PTPRD: variants seen among roughly 807,000 people sequenced by gnomAD.
PTPRD encodes protein tyrosine phosphatase receptor type D.
PTPRD carries 34 observed loss-of-function variants against 214.5 expected under a neutral mutation model. That is an observed-to-expected ratio of 0.16 (90% CI 0.12 to 0.21). The LOEUF (loss-of-function observed/expected upper bound fraction) is 0.21, where lower values mean the gene tolerates loss of function less well. Among genes scored for constraint, PTPRD ranks in the 10% least tolerant of loss-of-function variants. The pLI is 1.00. For missense variants in PTPRD, 2,545 were observed against 2,398.7 expected, an observed-to-expected ratio of 1.06 and a Z score of -1.27; for synonymous variants, 1,128 against 845.7, an observed-to-expected ratio of 1.33 and a Z score of -5.79.
chr9:8,361,631 A>C (rs1468869872), intron 39 of PTPRD, among the ~76,000 whole-genome samples: 1 of 152,206 alleles, frequency 6.6e-6, no homozygotes, highest in African/African-American at 2.4e-5. Context: ...AAAATCTCAG[A>C]TGTTGAATGG....
chr9:10,087,943 G>A (rs2098376000), intron 3 of PTPRD, among the ~76,000 whole-genome samples: 1 of 151,604 alleles, frequency 6.6e-6, no homozygotes, highest in African/African-American at 2.4e-5. Flanking sequence ...TCTAGTTTTT[G>A]GCAAAGCATA....
intron 10 of PTPRD, among the ~76,000 whole-genome samples, chr9:9,089,162 T>A (rs1311940119): frequency 6.6e-6 from 1 of 152,184 alleles, no homozygotes; most frequent in Non-Finnish European, 1.5e-5. Flanking sequence ...ATGTAAGATA[T>A]TCTTGTGTTG....
intron 5 of PTPRD, among the ~76,000 whole-genome samples, chr9:9,795,945 T>A (rs2098999616): frequency 6.6e-6 from 1 of 152,264 alleles, no homozygotes; most frequent in East Asian, 1.9e-4. Context: ...GGATTGTTTC[T>A]ATGTGAAGAA....
At chr9:9,381,630 G>A (rs1375260765) in intron 9 of PTPRD, among the ~76,000 whole-genome samples, 1 of 151,906 alleles carries the variant, frequency 6.6e-6, no homozygotes, top group African/African-American at 2.4e-5. Context: ...TGAGATTACA[G>A]GTGTGGGCCA....
At chr9:8,511,114 G>C (rs1188592486) in intron 21 of PTPRD, among the ~76,000 whole-genome samples, 1 of 151,898 alleles carries the variant, frequency 6.6e-6, no homozygotes, top group Non-Finnish European at 1.5e-5. Flanking sequence ...TATCACCCAG[G>C]CTGGAGTGCA....
In PTPRD at chr9:8,339,562, C is replaced by G. The variant is rs1398634242; in HGVS notation, c.5254-515G>C. 6.6e-5 allele frequency among the ~76,000 whole-genome samples: 10 copies of G among 152,232 alleles called. No homozygotes were observed. The East Asian group carries it at 1.7e-3, about 27-fold the overall frequency. On this transcript the variant is annotated intron_variant, in intron 42 of 45. Coordinates refer to ENST00000381196, the MANE Select transcript of PTPRD (RefSeq NM_002839.4). ...TCCATTTTAATGACTTGGCTAAACC[C>G]TGCAGAGTCATTGGCCAAATCAGAG...
At chr9:10,601,029 A>G (rs2077834098) in intron 2 of PTPRD, among the ~76,000 whole-genome samples, 1 of 151,860 alleles carries the variant, frequency 6.6e-6, no homozygotes, top group Admixed American at 6.6e-5. Flanking sequence ...AGGGGAAAAT[A>G]GCAAGAAATA....
At chr9:8,851,204 A>AG (rs1276158788) in intron 11 of PTPRD, among the ~76,000 whole-genome samples, 1 of 151,814 alleles carries the variant, frequency 6.6e-6, no homozygotes, top group Non-Finnish European at 1.5e-5. Flanking sequence ...CATTAAAGAA[A>AG]AAAAAAAAAA....
intron 3 of PTPRD, among the ~76,000 whole-genome samples, chr9:10,100,220 T>C (rs1368835929): frequency 6.6e-6 from 1 of 151,716 alleles, no homozygotes; most frequent in African/African-American, 2.4e-5. Context: ...AGCAACAAAC[T>C]GAGAATGTTT....
chr9:8,350,184 A>G (rs768713929), intron 39 of PTPRD, among the ~76,000 whole-genome samples: 3 of 152,186 alleles, frequency 2.0e-5, no homozygotes, highest in Non-Finnish European at 4.4e-5. Context: ...ATTAAGAGGC[A>G]TACAGGGACT....
At chr9:9,334,550 G>A (rs573982780) in intron 9 of PTPRD, among the ~76,000 whole-genome samples, 2 of 152,020 alleles carry the variant, frequency 1.3e-5, no homozygotes, top group East Asian at 1.9e-4. Context: ...AATCAGTTAC[G>A]AGAAATAAAT....
intron 3 of PTPRD, among the ~76,000 whole-genome samples, chr9:10,065,553 A>C (rs898541968): frequency 6.6e-6 from 1 of 151,950 alleles, no homozygotes; most frequent in Non-Finnish European, 1.5e-5. Context: ...AATAAAATCA[A>C]ATTTTTGGTC....
chr9:8,984,873 A>T (rs148229459), intron 11 of PTPRD, among the ~76,000 whole-genome samples: 1 of 152,164 alleles, frequency 6.6e-6, no homozygotes, highest in East Asian at 1.9e-4. Context: ...TTTAACATGG[A>T]TTCCTTTTTC....
At chr9:8,505,362 C>T (rs1453531173) in intron 22 of PTPRD, among the ~76,000 whole-genome samples, 1 of 152,078 alleles carries the variant, frequency 6.6e-6, no homozygotes, top group Non-Finnish European at 1.5e-5. Flanking sequence ...GTGGCTCACG[C>T]CTGTAATCCC....
chr9:8,902,905 A>T (rs1451141257), intron 11 of PTPRD, among the ~76,000 whole-genome samples: 1 of 152,200 alleles, frequency 6.6e-6, no homozygotes, highest in Non-Finnish European at 1.5e-5. Flanking sequence ...GAAGGTTAAT[A>T]GTAGTAATGA....
At chr9:8,329,720 G>GGGAGGAGTAATCCAGAGAAGCAGT (rs1837807885) in intron 44 of PTPRD, among the ~76,000 whole-genome samples, 1 of 152,256 alleles carries the variant, frequency 6.6e-6, no homozygotes, top group African/African-American at 2.4e-5. Context: ...GCCCTGCCCA[G>GGGAGGAGTAATCCAGAGAAGCAGT]GGAGGAGTAA....
At chr9:9,656,905 C>T (rs1449163367) in intron 7 of PTPRD, among the ~76,000 whole-genome samples, 3 of 151,738 alleles carry the variant, frequency 2.0e-5, no homozygotes, top group Non-Finnish European at 2.9e-5. Context: ...ACTGTAATTT[C>T]CTCTTGATTT....
chr9:8,628,438 A>T (rs914133377), intron 14 of PTPRD, among the ~76,000 whole-genome samples: 1 of 151,768 alleles, frequency 6.6e-6, no homozygotes, highest in African/African-American at 2.4e-5. Flanking sequence ...GTCTCATCCA[A>T]CTGCTCACTG....
rs12351487 is a variant in PTPRD, at chr9:9,030,392, T to A, written c.-142-11657A>T. Among the ~76,000 whole-genome samples, 1,379 of 151,102 alleles carry A rather than the reference T, an allele frequency of 9.1e-3. 25 individuals carry two copies. The highest frequency in any genetic ancestry group is 0.032 in the African/African-American group (1,318 of 41,180). ...TTCTGAAGAAGCTCAGACTTATTGT[T>A]TACTGTAGCATTTAATACCTGCGTC... On this transcript the variant is annotated intron_variant, in intron 10 of 45. Transcript: ENST00000381196.
Sources: gnomAD v4.1 joint callset for allele counts (sites outside exome capture counted in the v4.1 genomes callset) on GRCh38, gnomAD v4.1.1 for gene constraint, MANE v1.5 for transcripts, NCBI Gene and HGNC (gene_info 2026-07-23, HGNC 2026-07-21) for gene names.